The following ACCS variants were observed in gnomAD, a reference collection of about 807,000 sequenced individuals.
ACCS encodes the protein 1-aminocyclopropane-1-carboxylate synthase-like protein 1.
A neutral mutation model predicts 59.8 loss-of-function variants in ACCS; 42 were observed. The observed-to-expected ratio is 0.70, with a 90% confidence interval of 0.55 to 0.91. The LOEUF (loss-of-function observed/expected upper bound fraction) is 0.91, where lower values mean the gene tolerates loss of function less well. ACCS is among the 40% of genes least tolerant of loss of function. The pLI is 0.00. For synonymous variants in ACCS, 230 were observed against 240.3 expected, an observed-to-expected ratio of 0.96 and a Z score of 0.40; for missense variants, 602 against 630.4, an observed-to-expected ratio of 0.95 and a Z score of 0.48.
At chr11:44,075,404 C>T in intron 5 of ACCS, 122 bp from the exon 6 acceptor site, 1 of 993,682 alleles carries the variant, frequency 1.0e-6, no homozygotes, top group African/African-American at 1.6e-5. Flanking sequence ...TTTGTTGTGA[C>T]AGAGCCTCAG....
In ACCS at chr11:44,073,529, C is replaced by T. The variant is rs1953164999; in HGVS notation, c.419+12C>T. ...AGGGGACATCTGTTGTAAGTAGTTGCCATAGGGTGAGTTTGTCCCCCTGGG... is the reference window on the plus strand; with the variant it reads ...AGGGGACATCTGTTGTAAGTAGTTGTCATAGGGTGAGTTTGTCCCCCTGGG... On this transcript the variant is annotated intron_variant, in intron 4 of 14. Transcript: ENST00000263776. 2 of 1,597,466 alleles carry T rather than the reference C, an allele frequency of 1.3e-6. No homozygotes were observed. Among genetic ancestry groups the T allele is most frequent in the Non-Finnish European group, 1.7e-6 (2 of 1,170,498 alleles).
At position 44,073,524 on chromosome 11, in the gene ACCS, A is replaced by G; in HGVS notation, c.419+7A>G. ...ACTGGAGGGGACATCTGTTGTAAGT[A>G]GTTGCCATAGGGTGAGTTTGTCCCC... On this transcript the variant is annotated splice_region_variant and intron_variant, in intron 4 of 14. Transcript: ENST00000263776. The G allele has an allele frequency of 6.2e-7, 1 of 1,602,316 alleles. No homozygotes were observed. The highest frequency in any genetic ancestry group is 2.2e-5 in the East Asian group (1 of 44,534).
At chr11:44,072,623 C>A (rs1953115699) in intron 3 of ACCS, among the ~76,000 whole-genome samples, 1 of 151,886 alleles carries the variant, frequency 6.6e-6, no homozygotes, top group Non-Finnish European at 1.5e-5. Context: ...TTATTTAGCC[C>A]AATATATTCA....
intron 5 of ACCS, among the ~76,000 whole-genome samples, chr11:44,075,045 A>G (rs1375759782): frequency 6.6e-6 from 1 of 151,800 alleles, no homozygotes; most frequent in South Asian, 2.1e-4. Flanking sequence ...GCTGGTCTCG[A>G]ACTACCGACC....
At chr11:44,074,942 A>G (rs1206178320) in intron 5 of ACCS, among the ~76,000 whole-genome samples, 3 of 150,252 alleles carry the variant, frequency 2.0e-5, no homozygotes, top group African/African-American at 7.4e-5. Flanking sequence ...CTCTTGCCTC[A>G]GCCTCCCGAG....
intron 10 of ACCS, chr11:44,080,435 A>G (rs1953586064): frequency 1.3e-5 from 2 of 153,058 alleles, no homozygotes; most frequent in African/African-American, 4.9e-5. Flanking sequence ...ACTGAGGCAC[A>G]GAAAAAAGTG....
In ACCS at chr11:44,078,737, T is replaced by C. The variant is rs1329256407; in HGVS notation, c.786T>C (p.Asp262=). 1 of 1,614,058 alleles carries C rather than the reference T, an allele frequency of 6.2e-7. No homozygotes were observed. The highest frequency in any genetic ancestry group is 8.5e-7 in the Non-Finnish European group (1 of 1,180,008). The part of the protein sequence containing the change: ...ILISPQNPLG[D]VYSPEELQEY... ...TCAGCCCCCAGAACCCTCTGGGTGATGTATACTCCCCTGAAGAGCTACAGG... is the reference window on the plus strand; with the variant it reads ...TCAGCCCCCAGAACCCTCTGGGTGACGTATACTCCCCTGAAGAGCTACAGG... Residue 262 remains aspartate, a synonymous_variant, in exon 9 of 15, where the codon GAT becomes GAC. Transcript: ENST00000263776.
At chr11:44,076,860 G>A (rs1279830841) in intron 6 of ACCS, among the ~76,000 whole-genome samples, 2 of 152,228 alleles carry the variant, frequency 1.3e-5, no homozygotes, top group South Asian at 2.1e-4. Context: ...CATGGTGGAA[G>A]GTGAATGAGG....
chr11:44,067,709 C>T lies in ACCS; in HGVS notation c.82C>T (p.His28Tyr), dbSNP rs200566554. The T allele has an allele frequency of 6.2e-7, 1 of 1,614,076 alleles. No individual in the cohort carries two copies. Among genetic ancestry groups the T allele is most frequent in the Non-Finnish European group, 8.5e-7 (1 of 1,180,044 alleles). The change falls in exon 2 of 15, where the codon CAT (histidine) becomes TAT (tyrosine). Residue 28 changes from histidine to tyrosine, a missense_variant. Coordinates refer to ENST00000263776, the MANE Select transcript of ACCS (RefSeq NM_032592.4). ...CTGCATGCAGGACCTGGGCAGTAGC[C>T]ATGGGGAAGATCTGGAAGGAGAATG... is the stretch of plus-strand genomic sequence containing the variant. Reference protein sequence around the residue: ...PTCMQDLGSSHGEDLEGECSR... With the variant: ...PTCMQDLGSSYGEDLEGECSR...
intron 3 of ACCS, 191 bp from the exon 4 acceptor site, chr11:44,073,256 T>C (rs1289477784): frequency 4.6e-6 from 3 of 649,354 alleles, no homozygotes; most frequent in Admixed American, 2.2e-5. Flanking sequence ...TCTGTGACCT[T>C]GGCTGAGTGA....
rs143485426 is a variant in ACCS, at chr11:44,081,318, G to C, written c.1109G>C (p.Arg370Pro). 1 of 1,613,512 alleles carries C rather than the reference G, an allele frequency of 6.2e-7. No homozygotes were observed. Among genetic ancestry groups the C allele is most frequent in the Non-Finnish European group, 8.5e-7 (1 of 1,179,650 alleles). ...QYQMAQLLRD[R>P]DWINQVYLPE... ...CAGATGGCACAGCTGCTCCGGGACC[G>C]TGGTGACTGCCTGGGCCTGGTGACC... The change falls in exon 12 of 15, where the codon CGT (arginine) becomes CCT (proline). Residue 370 changes from arginine to proline, a missense_variant and splice_region_variant. Arg to Pro is a moderately radical substitution (Grantham distance 103). Transcript: ENST00000263776.
Position 44,083,887 on chromosome 11 carries a change from C to T in ACCS, c.*95C>T, listed in dbSNP as rs115522458. 1.4e-3 allele frequency: 2,101 copies of T among 1,525,532 alleles called. 23 individuals are homozygous for T. The African/African-American group carries it at 0.024, about 17-fold the overall frequency. 94.5% of individuals were successfully genotyped at this position (1,525,532 alleles called of 1,614,324 possible). A position where few individuals can be genotyped will look rare whatever the true frequency, so the allele number is the denominator to read the frequency against. On this transcript the variant is annotated 3_prime_UTR_variant, in exon 15 of 15. Coordinates refer to ENST00000263776, the MANE Select transcript of ACCS (RefSeq NM_032592.4). ...AGACTGACTGTGGATGTGCCATTTG[C>T]CAGGAAGGTATCTAACTTGGCTTTG...
intron 8 of ACCS, chr11:44,078,206 T>G (rs1198638560): frequency 6.8e-6 from 3 of 443,804 alleles, no homozygotes; most frequent in African/African-American, 2.0e-5. Context: ...TATGATTCAG[T>G]GGGTCAAGTA....
chr11:44,074,498 T>C, intron 4 of ACCS, 114 bp from the exon 5 acceptor site: 1 of 810,924 alleles, frequency 1.2e-6, no homozygotes. Flanking sequence ...CACCCCATCA[T>C]GGGAAATTAG....
chr11:44,082,198 T>G (rs1554996602), intron 12 of ACCS: 1 of 83,416 alleles, frequency 1.2e-5, no homozygotes, highest in Admixed American at 1.1e-4. Context: ...GGAGTGTAAG[T>G]AGTTCAGCCA....
At chr11:44,069,637 G>A (rs984968130) in intron 2 of ACCS, among the ~76,000 whole-genome samples, 2 of 152,204 alleles carry the variant, frequency 1.3e-5, no homozygotes, top group South Asian at 2.1e-4. Flanking sequence ...TTGGGTGGGA[G>A]GCTCTACTTC....
Position 44,075,523 on chromosome 11 carries a change from T to C in ACCS, c.490-3T>C. Reference sequence around the variant, plus strand: ...CTTCATCCCTTGGATATGTCGCCCTTAGGTGGTTGTCCTGAATGGTGGTGC... The same window carrying C: ...CTTCATCCCTTGGATATGTCGCCCTCAGGTGGTTGTCCTGAATGGTGGTGC... On this transcript the variant is annotated splice_region_variant and splice_polypyrimidine_tract_variant and intron_variant, in intron 5 of 14. Transcript: ENST00000263776. 1.9e-6 allele frequency: 3 copies of C among 1,614,130 alleles called. No homozygotes were observed. Among genetic ancestry groups the C allele is most frequent in the Middle Eastern group, 1.7e-4 (1 of 6,060 alleles).
In ACCS at chr11:44,067,778, G is replaced by A. The variant is rs761684714; in HGVS notation, c.151G>A (p.Gly51Ser). The A allele has an allele frequency of 6.8e-6, 11 of 1,614,062 alleles. No homozygotes were observed. The Admixed American group carries it at 1.8e-4, about 27-fold the overall frequency. Residue 51 changes from glycine (G) to serine (S), a missense_variant, in exon 2 of 15, where the codon GGT becomes AGT. Coordinates refer to ENST00000263776, the MANE Select transcript of ACCS (RefSeq NM_032592.4). ...DQKLPELRGVGDPAMISSDTS... is the reference protein window; with the variant it reads ...DQKLPELRGVSDPAMISSDTS... ...GAAGCTGCCAGAGCTCCGTGGAGTG[G>A]GTGATCCTGCCATGATCTCCTCTGA...
At chr11:44,072,051 A>G (rs555110360) in intron 3 of ACCS, among the ~76,000 whole-genome samples, 2 of 152,332 alleles carry the variant, frequency 1.3e-5, no homozygotes, top group Middle Eastern at 3.4e-3. Flanking sequence ...GCAGTGGCAG[A>G]GTTTGGGTTT....
Sources: gnomAD v4.1 joint callset for allele counts (sites outside exome capture counted in the v4.1 genomes callset) on GRCh38, gnomAD v4.1.1 for gene constraint, MANE v1.5 for transcripts, NCBI Gene and HGNC (gene_info 2026-07-23, HGNC 2026-07-21) for gene names.